Variants in GPC5 observed in about 807,000 individuals in gnomAD.
GPC5 encodes glypican-5.
Under a neutral mutation model 53.9 loss-of-function variants are expected in GPC5, and 47 were observed. That is an observed-to-expected ratio of 0.87 (90% CI 0.69 to 1.11). The LOEUF is 1.11. GPC5 is among the 50% of genes most tolerant of loss of function. The pLI, the probability that GPC5 is intolerant of heterozygous loss-of-function variation, is 0.00. For missense variants in GPC5, 748 were observed against 713.1 expected, an observed-to-expected ratio of 1.05 and a Z score of -0.56; for synonymous variants, 286 against 263.3, an observed-to-expected ratio of 1.09 and a Z score of -0.84.
intron 7 of GPC5, among the ~76,000 whole-genome samples, chr13:92,812,231 AACTT>A (rs1348077353): frequency 1.3e-5 from 2 of 151,940 alleles, no homozygotes; most frequent in African/African-American, 4.8e-5. Flanking sequence ...GTTTTCTTTT[AACTT>A]GTATATATCT....
intron 7 of GPC5, among the ~76,000 whole-genome samples, chr13:92,759,530 A>G (rs1443310381): frequency 2.0e-5 from 3 of 152,040 alleles, no homozygotes; most frequent in African/African-American, 4.8e-5. Context: ...TTGTTTGTCT[A>G]TACAAATGCC....
At chr13:92,191,061 C>G (rs1413632176) in intron 7 of GPC5, among the ~76,000 whole-genome samples, 1 of 152,074 alleles carries the variant, frequency 6.6e-6, no homozygotes, top group South Asian at 2.1e-4. Flanking sequence ...GTAACTGAGA[C>G]TAGCTATGTT....
chr13:92,459,760 C>T (rs968799894), intron 7 of GPC5, among the ~76,000 whole-genome samples: 4 of 152,110 alleles, frequency 2.6e-5, no homozygotes, highest in Non-Finnish European at 5.9e-5. Flanking sequence ...GATATATAAC[C>T]TATGTCAGCA....
At chr13:92,426,321 C>T (rs989557038) in intron 7 of GPC5, among the ~76,000 whole-genome samples, 1 of 152,132 alleles carries the variant, frequency 6.6e-6, no homozygotes, top group East Asian at 1.9e-4. Flanking sequence ...CTTTCTACAG[C>T]CAACTCTGAG....
chr13:92,069,408 ATGTGTGTGTGTGTGTGTGTG>A (rs67467167), intron 6 of GPC5, among the ~76,000 whole-genome samples: 2 of 143,114 alleles, frequency 1.4e-5, no homozygotes, highest in Non-Finnish European at 3.1e-5. Flanking sequence ...GTGTGCGTGC[ATGTGTGTGTGTGTGTGTGTG>A]TGTGTGTGTG....
intron 3 of GPC5, among the ~76,000 whole-genome samples, chr13:91,700,664 G>A (rs1299943837): frequency 2.0e-5 from 3 of 152,108 alleles, no homozygotes; most frequent in Non-Finnish European, 4.4e-5. Context: ...GTATTTGAAG[G>A]CTATTATTCT....
rs796907944 is a variant in GPC5, at chr13:92,595,733, A to T, written c.1562-270549A>T. ...CAGTGAGCAGAGATCGCGCCACTGCACTCCAGCCTGGGCGAAAGAGCGAGA... is the reference window on the plus strand; with the variant it reads ...CAGTGAGCAGAGATCGCGCCACTGCTCTCCAGCCTGGGCGAAAGAGCGAGA... On this transcript the variant is annotated intron_variant, in intron 7 of 7. Coordinates refer to ENST00000377067, the MANE Select transcript of GPC5 (RefSeq NM_004466.6). 1.3e-3 allele frequency among the ~76,000 whole-genome samples: 173 copies of T among 134,124 alleles called. 1 individual carries two copies. Among genetic ancestry groups the T allele is most frequent in the African/African-American group, 4.6e-3 (166 of 36,426 alleles). The allele number at this position is 134,124 out of a possible 152,430, so 88.0% of individuals were successfully genotyped here.
chr13:91,463,358 C>A (rs573561406), intron 2 of GPC5, among the ~76,000 whole-genome samples: 3 of 152,016 alleles, frequency 2.0e-5, no homozygotes, highest in Admixed American at 2.0e-4. Flanking sequence ...GGGTGCACAA[C>A]CCATAGATAC....
chr13:92,101,524 A>G (rs532855811), intron 6 of GPC5, among the ~76,000 whole-genome samples: 1 of 152,314 alleles, frequency 6.6e-6, no homozygotes, highest in Non-Finnish European at 1.5e-5. Context: ...ATCCCTGGCT[A>G]TCATTTAATT....
At chr13:92,252,340 A>G (rs565843338) in intron 7 of GPC5, among the ~76,000 whole-genome samples, 9 of 152,198 alleles carry the variant, frequency 5.9e-5, no homozygotes, top group African/African-American at 1.9e-4. Flanking sequence ...ATTTACTAAC[A>G]GAAAGTAATA....
At chr13:92,745,444 T>C (rs1480756165) in intron 7 of GPC5, among the ~76,000 whole-genome samples, 1 of 152,080 alleles carries the variant, frequency 6.6e-6, no homozygotes, top group Non-Finnish European at 1.5e-5. Flanking sequence ...TGGTAAAGCT[T>C]AGTTCTGAAA....
chr13:91,413,860 A>G (rs1451069900), intron 1 of GPC5, among the ~76,000 whole-genome samples: 2 of 152,176 alleles, frequency 1.3e-5, no homozygotes, highest in Admixed American at 1.3e-4. Flanking sequence ...TTATTCCTCA[A>G]AAATCATCCC....
At chr13:92,067,711 A>G (rs2041178352) in intron 6 of GPC5, among the ~76,000 whole-genome samples, 1 of 152,006 alleles carries the variant, frequency 6.6e-6, no homozygotes, top group African/African-American at 2.4e-5. Flanking sequence ...AATAGCATGC[A>G]TATAATAAAG....
chr13:92,482,702 C>T (rs1261159443), intron 7 of GPC5, among the ~76,000 whole-genome samples: 3 of 152,098 alleles, frequency 2.0e-5, no homozygotes, highest in Non-Finnish European at 4.4e-5. Flanking sequence ...TACACTTTTA[C>T]CCACGATTGT....
intron 6 of GPC5, among the ~76,000 whole-genome samples, chr13:91,926,680 C>T (rs942002603): frequency 1.6e-4 from 24 of 152,146 alleles, no homozygotes; most frequent in African/African-American, 5.6e-4. Context: ...CAGCAAGGAT[C>T]GAAGTCAAGG....
In GPC5 at chr13:91,487,751, A is replaced by G. The variant is rs141289730; in HGVS notation, c.325+38829A>G. Among the ~76,000 whole-genome samples the G allele has an allele frequency of 7.2e-5, 11 of 152,310 alleles. No homozygotes were observed. In the East Asian group the frequency reaches 1.9e-3, roughly 27 times the overall value. ...TATCTCTACTTCTCCTTTATAGATC[A>G]GATGTTTATGTCAGATAAAGCTTGT... On this transcript the variant is annotated intron_variant, in intron 2 of 7. Coordinates refer to ENST00000377067, the MANE Select transcript of GPC5 (RefSeq NM_004466.6).
At chr13:92,573,823 C>T (rs1883109144) in intron 7 of GPC5, among the ~76,000 whole-genome samples, 1 of 152,176 alleles carries the variant, frequency 6.6e-6, no homozygotes, top group African/African-American at 2.4e-5. Context: ...TTCCAGTTGT[C>T]ATCAGCAGCA....
At chr13:91,603,924 T>A (rs940456584) in intron 2 of GPC5, among the ~76,000 whole-genome samples, 14 of 151,090 alleles carry the variant, frequency 9.3e-5, no homozygotes, top group Middle Eastern at 3.4e-3. Flanking sequence ...TCTAGTAGTA[T>A]TTTTTTTTCC....
intron 7 of GPC5, among the ~76,000 whole-genome samples, chr13:92,851,756 G>T (rs996160615): frequency 6.6e-6 from 1 of 151,466 alleles, no homozygotes; most frequent in Non-Finnish European, 1.5e-5. Context: ...AGGCGTGGTG[G>T]TGGGTGCCTG....
Sources: allele counts gnomAD v4.1 joint callset (sites outside exome capture counted in the v4.1 genomes callset), GRCh38; gene constraint gnomAD v4.1.1; transcripts MANE v1.5; gene names NCBI Gene and HGNC (gene_info 2026-07-23, HGNC 2026-07-21).